The following GPC5 variants were observed in gnomAD, a reference collection of about 807,000 sequenced individuals.
GPC5 encodes glypican-5.
In GPC5, 47 loss-of-function variants were observed where a neutral mutation model predicts 53.9. That is an observed-to-expected ratio of 0.87 (90% CI 0.69 to 1.11). The LOEUF is 1.11. Among genes scored for constraint, GPC5 ranks in the 50% most tolerant of loss-of-function variants. The probability of loss-of-function intolerance (pLI) is 0.00; values close to 1 mark genes in which losing one functional copy is unlikely to be tolerated. For synonymous variants in GPC5, 286 were observed against 263.3 expected (o/e 1.09, Z -0.84); for missense variants, 748 against 713.1 (o/e 1.05, Z -0.56).
At chr13:92,592,838 AGAGTT>A (rs771863888) in intron 7 of GPC5, among the ~76,000 whole-genome samples, 9 of 151,366 alleles carry the variant, frequency 5.9e-5, no homozygotes, top group Non-Finnish European at 1.2e-4. Context: ...TTGCAATACT[AGAGTT>A]GAGTGAGTGA....
intron 7 of GPC5, among the ~76,000 whole-genome samples, chr13:92,862,690 A>T (rs1465561497): frequency 6.6e-6 from 1 of 152,124 alleles, no homozygotes. Context: ...CTAAGTGTGA[A>T]GGAAAAGGCT....
chr13:92,445,929 A>G (rs1299575265), intron 7 of GPC5, among the ~76,000 whole-genome samples: 1 of 151,996 alleles, frequency 6.6e-6, no homozygotes, highest in Non-Finnish European at 1.5e-5. Flanking sequence ...TGTGCCAGGC[A>G]GTATCATTGG....
intron 6 of GPC5, among the ~76,000 whole-genome samples, chr13:91,979,061 A>C (rs568329219): frequency 6.6e-6 from 1 of 152,284 alleles, no homozygotes; most frequent in South Asian, 2.1e-4. Context: ...AGAGGAATAG[A>C]CTTGGGTGAG....
At chr13:91,548,357 C>A (rs61966871) in intron 2 of GPC5, among the ~76,000 whole-genome samples, 5,049 of 152,112 alleles carry the variant, frequency 0.033, 118 homozygotes, top group Non-Finnish European at 0.056. Context: ...AAGCACAATA[C>A]CATTTAAATC....
rs554538594 is a variant in GPC5, at chr13:91,714,749, TA to T, written c.1021-13772del. On this transcript the variant is annotated intron_variant, in intron 3 of 7. Transcript: ENST00000377067. ...AAATAATAGGAAAAGTCTATGGCAT[TA>T]AAAAAAAAAATGAGAACCCAGTGAT... Among the ~76,000 whole-genome samples, 1,114 of 146,384 alleles carry T rather than the reference TA, an allele frequency of 7.6e-3. 15 individuals are homozygous for T. Among genetic ancestry groups the T allele is most frequent in the African/African-American group, 0.024 (949 of 40,256 alleles).
intron 2 of GPC5, among the ~76,000 whole-genome samples, chr13:91,484,347 A>G (rs1689210178): frequency 6.6e-6 from 1 of 152,204 alleles, no homozygotes; most frequent in South Asian, 2.1e-4. Context: ...TATTGCATTG[A>G]TTACTGAAGG....
chr13:92,063,658 T>C (rs2352485), intron 6 of GPC5, among the ~76,000 whole-genome samples: 3,439 of 152,148 alleles, frequency 0.023, 151 homozygotes, highest in African/African-American at 0.078. Context: ...AATTTGAAGG[T>C]GAGATCAAAA....
intron 6 of GPC5, among the ~76,000 whole-genome samples, chr13:92,100,009 A>G (rs1594762601): frequency 6.6e-6 from 1 of 152,306 alleles, no homozygotes; most frequent in East Asian, 1.9e-4. Context: ...TGAAATGCCT[A>G]TGGAGAGAAC....
At chr13:91,408,632 C>A (rs937470760) in intron 1 of GPC5, among the ~76,000 whole-genome samples, 1 of 152,098 alleles carries the variant, frequency 6.6e-6, no homozygotes, top group Non-Finnish European at 1.5e-5. Context: ...AACAAACCTG[C>A]ATAATTAGAT....
chr13:91,707,317 T>C (rs1007541008), intron 3 of GPC5, among the ~76,000 whole-genome samples: 5 of 152,064 alleles, frequency 3.3e-5, no homozygotes, highest in African/African-American at 1.2e-4. Flanking sequence ...ACTGAGTAGG[T>C]TGGCTATATT....
chr13:91,855,505 G>GA (rs1403680898), intron 5 of GPC5, among the ~76,000 whole-genome samples: 2 of 151,412 alleles, frequency 1.3e-5, no homozygotes, highest in African/African-American at 2.4e-5. Flanking sequence ...TTCCTACTGT[G>GA]AAAAAAATAG....
chr13:92,627,041 A>G, intron 7 of GPC5, among the ~76,000 whole-genome samples: 1 of 152,190 alleles, frequency 6.6e-6, no homozygotes, highest in East Asian at 1.9e-4. Context: ...TTATTTAAAA[A>G]TTCTAACTTC....
At chr13:92,752,527 A>T (rs1386635359) in intron 7 of GPC5, among the ~76,000 whole-genome samples, 2 of 152,198 alleles carry the variant, frequency 1.3e-5, no homozygotes, top group Non-Finnish European at 2.9e-5. Flanking sequence ...TACAGCTCCC[A>T]GCGTGAGCGA....
At chr13:91,927,814 G>A (rs974772468) in intron 6 of GPC5, among the ~76,000 whole-genome samples, 5 of 152,146 alleles carry the variant, frequency 3.3e-5, no homozygotes, top group African/African-American at 9.7e-5. Flanking sequence ...CTCTTCCCAA[G>A]CCATGAATTT....
intron 7 of GPC5, among the ~76,000 whole-genome samples, chr13:92,427,909 T>G (rs552512387): frequency 1.3e-5 from 2 of 152,252 alleles, no homozygotes; most frequent in African/African-American, 4.8e-5. Flanking sequence ...ATTTGTATTG[T>G]TTTAGCAAAA....
intron 7 of GPC5, among the ~76,000 whole-genome samples, chr13:92,827,603 G>A (rs1316238470): frequency 6.6e-6 from 1 of 152,152 alleles, no homozygotes; most frequent in Non-Finnish European, 1.5e-5. Flanking sequence ...CCTGGGACCA[G>A]GCTGCTTTGC....
intron 7 of GPC5, among the ~76,000 whole-genome samples, chr13:92,370,528 C>T (rs560915299): frequency 1.0e-5 from 1 of 98,852 alleles, no homozygotes; most frequent in Non-Finnish European, 2.2e-5. Context: ...TACAAAGAAA[C>T]AGAAAAAAAA....
In GPC5 at chr13:91,593,190, C is replaced by CCTGGAACTA. The variant is rs1456547939; in HGVS notation, c.326-99995_326-99987dup. 1.2e-4 allele frequency among the ~76,000 whole-genome samples: 18 copies of CCTGGAACTA among 152,280 alleles called. 1 individual carries two copies. The East Asian group carries it at 3.5e-3, about 29-fold the overall frequency. On this transcript the variant is annotated intron_variant, in intron 2 of 7. Transcript: ENST00000377067. ...CCCATTTCCCAGGAGCTGTTCAGGT[C>CCTGGAACTA]CTGGAACTACCCTCAGTAATCAGGC... is the stretch of plus-strand genomic sequence containing the variant.
At chr13:92,113,676 AAAT>A (rs2041576158) in intron 6 of GPC5, among the ~76,000 whole-genome samples, 3 of 152,172 alleles carry the variant, frequency 2.0e-5, no homozygotes, top group African/African-American at 7.2e-5. Flanking sequence ...AAGAAATCAT[AAAT>A]GAAATATCTA....
Sources: gnomAD v4.1 joint callset for allele counts (sites outside exome capture counted in the v4.1 genomes callset) on GRCh38, gnomAD v4.1.1 for gene constraint, MANE v1.5 for transcripts, NCBI Gene and HGNC (gene_info 2026-07-23, HGNC 2026-07-21) for gene names.